Variants in COL27A1 observed in about 807,000 individuals in gnomAD.
The protein encoded by COL27A1 is collagen type XXVII alpha 1 chain, also known as collagen alpha-1(XXVII) chain.
Under a neutral mutation model 251.3 loss-of-function variants are expected in COL27A1, and 106 were observed. The observed-to-expected ratio is 0.42, with a 90% CI of 0.36 to 0.50. The LOEUF (loss-of-function observed/expected upper bound fraction) is 0.50. COL27A1 is among the 20% of genes least tolerant of loss of function. The pLI is 0.00. For synonymous variants in COL27A1, 1,000 were observed against 986.3 expected (o/e 1.01, Z -0.26); for missense variants, 2,325 against 2,522.8 (o/e 0.92, Z 1.68).
intron 12 of COL27A1, among the ~76,000 whole-genome samples, chr9:114,213,152 G>A (rs1357684732): frequency 6.6e-6 from 1 of 152,242 alleles, no homozygotes; most frequent in African/African-American, 2.4e-5. Context: ...GAGTGTAGCT[G>A]TTTAGAGCTT....
Position 114,309,498 on chromosome 9 carries a change from C to T in COL27A1, c.5436+20C>T, listed in dbSNP as rs753750928. 1.3e-5 allele frequency: 20 copies of T among 1,594,910 alleles called. No homozygotes were observed. Among genetic ancestry groups the T allele is most frequent in the Non-Finnish European group, 1.7e-5 (20 of 1,164,336 alleles). ...TGCAAGGTAACTCTCAGAGCCCCTC[C>T]TAGGCCCTTCATGTGGGGACAACTG... On this transcript the variant is annotated intron_variant, in intron 60 of 60. Transcript: ENST00000356083.
chr9:114,227,640 C>T (rs1014248345), intron 14 of COL27A1, among the ~76,000 whole-genome samples: 2 of 151,772 alleles, frequency 1.3e-5, no homozygotes, highest in South Asian at 2.1e-4. Flanking sequence ...AAGTGGATAG[C>T]GTGCATCTGG....
At chr9:114,291,564 C>T (rs1827918745) in intron 48 of COL27A1, among the ~76,000 whole-genome samples, 1 of 152,148 alleles carries the variant, frequency 6.6e-6, no homozygotes. Flanking sequence ...GCCCGGCCAA[C>T]ATGGGGAAAC....
At chr9:114,275,615 T>A in intron 36 of COL27A1, 46 bp from the exon 37 acceptor site, 1 of 1,357,828 alleles carries the variant, frequency 7.4e-7, no homozygotes, top group South Asian at 1.3e-5. Flanking sequence ...ACTTGGCAAC[T>A]AACTTATTCT....
intron 41 of COL27A1, among the ~76,000 whole-genome samples, chr9:114,287,675 G>A (rs1446446645): frequency 6.6e-6 from 1 of 152,130 alleles, no homozygotes; most frequent in Non-Finnish European, 1.5e-5. Context: ...GCACCGGGAG[G>A]CGCTCCAGTC....
rs1827852281 is a variant in COL27A1, at chr9:114,290,648, C to G, written c.4369-162C>G. Among the ~76,000 whole-genome samples, 1 of 152,202 alleles carries G rather than the reference C, an allele frequency of 6.6e-6. No individual in the cohort carries two copies. Among genetic ancestry groups the G allele is most frequent in the Non-Finnish European group, 1.5e-5 (1 of 68,034 alleles). On this transcript the variant is annotated intron_variant, in intron 47 of 60. Transcript: ENST00000356083. The surrounding 1 kb of genome is among the most constrained non-coding windows in gnomAD (Gnocchi z 4.6). ...ACTCACAATCCTCAGCTCCTCCTGT[C>G]CTCCTGGTCCAGCCACATCACACAC...
At chr9:114,175,661 T>A (rs1827381708) in intron 3 of COL27A1, among the ~76,000 whole-genome samples, 1 of 152,178 alleles carries the variant, frequency 6.6e-6, no homozygotes, top group Non-Finnish European at 1.5e-5. Context: ...ATGTGGTGGA[T>A]GAGGTCAGAC....
intron 17 of COL27A1, 98 bp downstream of exon 17, chr9:114,235,750 C>A: frequency 1.1e-6 from 1 of 885,162 alleles, no homozygotes; most frequent in Middle Eastern, 2.2e-4. Flanking sequence ...GAGCAAGGAC[C>A]CACCTGTAAG....
intron 21 of COL27A1, among the ~76,000 whole-genome samples, chr9:114,241,105 G>T (rs1832724675): frequency 6.6e-6 from 1 of 152,250 alleles, no homozygotes; most frequent in Admixed American, 6.5e-5. Flanking sequence ...ATTTATGTGC[G>T]CTGGATGAAG....
At chr9:114,280,356 C>T (rs141097383) in intron 37 of COL27A1, among the ~76,000 whole-genome samples, 1 of 152,068 alleles carries the variant, frequency 6.6e-6, no homozygotes, top group Admixed American at 6.5e-5. Flanking sequence ...GCGTGCACTA[C>T]CATACCTGGC....
At chr9:114,288,839 C>T in intron 43 of COL27A1, 75 bp from the exon 44 acceptor site, 3 of 1,605,302 alleles carry the variant, frequency 1.9e-6, no homozygotes, top group East Asian at 2.2e-5. Context: ...AGAACAAGAA[C>T]TTCCCAGGCT....
chr9:114,272,217 A>G (rs1008559213), intron 36 of COL27A1: 2 of 152,230 alleles, frequency 1.3e-5, no homozygotes, highest in Non-Finnish European at 2.9e-5. Context: ...ATACATTACC[A>G]TCCTCACTAG....
At chr9:114,258,619 G>T (rs1834110265) in intron 28 of COL27A1, 25 bp downstream of exon 28, 1 of 1,611,892 alleles carries the variant, frequency 6.2e-7, no homozygotes, top group South Asian at 1.1e-5. Context: ...GCTCCTGGGG[G>T]CTGATGCTGG....
In COL27A1 at chr9:114,222,247, C is replaced by A. The variant is rs771678055; in HGVS notation, c.2446C>A (p.Pro816Thr). ...GGGAGAACTGGGCCTGCCAGGCCCCCCTGGAGTCCCCGGCCTCATTGTAAG... is the reference window on the plus strand; with the variant it reads ...GGGAGAACTGGGCCTGCCAGGCCCCACTGGAGTCCCCGGCCTCATTGTAAG... The part of the protein sequence containing the change: ...NPGELGLPGP[P>T]GVPGLIGDLG... The change falls in exon 14 of 61, where the codon CCT (proline) becomes ACT (threonine). Residue 816 changes from proline to threonine, a missense_variant. Physicochemically the swap from Pro to Thr is conservative, Grantham distance 38. This residue lies in a region of COL27A1 where 1,183 missense variants were observed against 1,144.1 expected (regional missense o/e 1.03). Transcript: ENST00000356083. The A allele has an allele frequency of 1.1e-5, 17 of 1,613,786 alleles. No individual in the cohort carries two copies. The highest frequency in any genetic ancestry group is 8.8e-5 in the South Asian group (8 of 91,056).
chr9:114,185,652 G>A (rs138634489), intron 5 of COL27A1, among the ~76,000 whole-genome samples: 13 of 152,358 alleles, frequency 8.5e-5, no homozygotes, highest in African/African-American at 3.1e-4. Context: ...GGGACTGTAG[G>A]GCTGGCCTCC....
intron 57 of COL27A1, chr9:114,306,284 G>C: frequency 2.1e-6 from 1 of 477,648 alleles, no homozygotes; most frequent in Non-Finnish European, 3.8e-6. Flanking sequence ...CAGAGAACAT[G>C]GTCTGACCCT....
intron 34 of COL27A1, 77 bp downstream of exon 34, chr9:114,267,634 A>G: frequency 7.5e-7 from 1 of 1,330,734 alleles, no homozygotes; most frequent in Non-Finnish European, 1.0e-6. Flanking sequence ...TCTCCATGGA[A>G]GAGAAATGGG....
In COL27A1 at chr9:114,300,921, A is replaced by G. The variant is rs577192893; in HGVS notation, c.4702-151A>G. The G allele has an allele frequency of 2.5e-4, 208 of 816,814 alleles. 1 individual carries two copies. The highest frequency in any genetic ancestry group is 3.7e-4 in the Non-Finnish European group (190 of 517,040). The allele number at this position is 816,814 out of a possible 1,614,324, so 50.6% of individuals were successfully genotyped here. On this transcript the variant is annotated intron_variant, in intron 51 of 60. Transcript: ENST00000356083. ...TCTTGAAGTCCACCCCTAGGCACAAATGAGGGGCTCAGGAGATGCATGGCC... is the reference window on the plus strand; with the variant it reads ...TCTTGAAGTCCACCCCTAGGCACAAGTGAGGGGCTCAGGAGATGCATGGCC...
intron 5 of COL27A1, among the ~76,000 whole-genome samples, chr9:114,186,219 A>G (rs1828327436): frequency 6.6e-6 from 1 of 152,254 alleles, no homozygotes; most frequent in Non-Finnish European, 1.5e-5. Flanking sequence ...CCAGCAGGGA[A>G]GGGAGCTTGT....
Sources: gnomAD v4.1 joint callset for allele counts (sites outside exome capture counted in the v4.1 genomes callset) on GRCh38, gnomAD v4.1.1 for gene constraint, gnomAD v4.1.1 regional missense constraint, Gnocchi (gnomAD v3.1) non-coding constraint, MANE v1.5 for transcripts, NCBI Gene and HGNC (gene_info 2026-07-23, HGNC 2026-07-21) for gene names.